The following CSMD1 variants were observed in gnomAD, a reference collection of about 807,000 sequenced individuals.
CSMD1 encodes CUB and Sushi multiple domains 1.
CSMD1 carries 213 observed loss-of-function variants against 417.5 expected under a neutral mutation model. The ratio of observed to expected loss-of-function variants is 0.51; its 90% CI spans 0.46 to 0.57. The LOEUF (loss-of-function observed/expected upper bound fraction) is 0.57. Among genes scored for constraint, CSMD1 ranks in the 20% least tolerant of loss-of-function variants. CSMD1 has a pLI of 0.00. For synonymous variants in CSMD1, 2,862 were observed against 1,736.8 expected, an observed-to-expected ratio of 1.65 and a Z score of -16.11; for missense variants, 6,923 against 4,529.7, an observed-to-expected ratio of 1.53 and a Z score of -15.17.
rs116562567 is a variant in CSMD1 at position 4,443,213 on chromosome 8, T to A, written c.303-23148A>T. ...ACTGAGTATACAAGAGGTGTTCAAT[T>A]TTTATTTGTAATTAATGTGTTTTAA... On this transcript the variant is annotated intron_variant, in intron 2 of 69. Transcript: ENST00000635120. 1.3e-3 allele frequency among the ~76,000 whole-genome samples: 191 copies of A among 152,312 alleles called. 1 individual carries two copies. The highest frequency in any genetic ancestry group is 4.2e-3 in the African/African-American group (176 of 41,578).
At chr8:4,635,117 G>A (rs1409057695) in intron 2 of CSMD1, among the ~76,000 whole-genome samples, 4 of 152,080 alleles carry the variant, frequency 2.6e-5, no homozygotes, top group Admixed American at 6.5e-5. Context: ...AAAATTGTCG[G>A]TAACTGAGTG....
intron 2 of CSMD1, among the ~76,000 whole-genome samples, chr8:4,504,635 C>A (rs1355840032): frequency 6.6e-6 from 1 of 152,086 alleles, no homozygotes; most frequent in Non-Finnish European, 1.5e-5. Flanking sequence ...CTCCCCTTGG[C>A]CCCCACCTCC....
chr8:4,434,775 T>C (rs1225930900), intron 2 of CSMD1, among the ~76,000 whole-genome samples: 1 of 152,084 alleles, frequency 6.6e-6, no homozygotes, highest in Non-Finnish European at 1.5e-5. Flanking sequence ...ACACACCCTT[T>C]CCACACTCCA....
chr8:4,445,661 C>T (rs1322878161), intron 2 of CSMD1, among the ~76,000 whole-genome samples: 1 of 152,124 alleles, frequency 6.6e-6, no homozygotes, highest in East Asian at 1.9e-4. Context: ...TTATTGAAGC[C>T]ACTAGAGAAC....
chr8:4,867,536 T>A (rs1802487604), intron 1 of CSMD1, among the ~76,000 whole-genome samples: 1 of 152,082 alleles, frequency 6.6e-6, no homozygotes, highest in South Asian at 2.1e-4. Flanking sequence ...TACCTTTGAG[T>A]AAGCAAATTG....
intron 3 of CSMD1, among the ~76,000 whole-genome samples, chr8:4,190,960 G>A (rs547959028): frequency 2.6e-5 from 4 of 151,964 alleles, no homozygotes; most frequent in Non-Finnish European, 5.9e-5. Flanking sequence ...GAGTGGGGGG[G>A]GCGGGGAAGG....
chr8:4,079,221 G>A (rs369906349), intron 3 of CSMD1, among the ~76,000 whole-genome samples: 4 of 152,026 alleles, frequency 2.6e-5, no homozygotes, highest in East Asian at 1.9e-4. Flanking sequence ...CTGTTTGGTG[G>A]GAAACAACTG....
In CSMD1 at chr8:3,740,518, G is replaced by T. The variant is rs182413808; in HGVS notation, c.931+13412C>A. Among the ~76,000 whole-genome samples, 184 of 152,322 alleles carry T rather than the reference G, an allele frequency of 1.2e-3. 1 individual carries two copies. Among genetic ancestry groups the T allele is most frequent in the African/African-American group, 4.2e-3 (173 of 41,562 alleles). On this transcript the variant is annotated intron_variant, in intron 6 of 69. Transcript: ENST00000635120. ...ATACTCAGAGGAGGGTTCACCGATG[G>T]ATGTGATATACAGACGGAAAGGAGA...
At position 2,956,614 on chromosome 8, in the gene CSMD1, C is replaced by T. The variant is rs955662092; in HGVS notation, c.9815-846G>A. 7.2e-5 allele frequency among the ~76,000 whole-genome samples: 11 copies of T among 151,912 alleles called. No individual in the cohort carries two copies. The South Asian group carries it at 1.5e-3, about 20-fold the overall frequency. ...GACTACAGGCACCCGCCACCATGCCCGGCTAATTTTTTGTAGTTTTTTTAG... is the reference window on the plus strand; with the variant it reads ...GACTACAGGCACCCGCCACCATGCCTGGCTAATTTTTTGTAGTTTTTTTAG... On this transcript the variant is annotated intron_variant, in intron 63 of 69. Transcript: ENST00000635120.
chr8:3,419,751 A>C (rs905608450), intron 12 of CSMD1, among the ~76,000 whole-genome samples: 2 of 152,252 alleles, frequency 1.3e-5, no homozygotes, highest in African/African-American at 4.8e-5. Flanking sequence ...AAAAATCTGC[A>C]TATCTAGATT....
chr8:2,992,427 G>T lies in CSMD1; in HGVS notation c.8377+5584C>A, dbSNP rs1411972066. Reference sequence around the variant, plus strand: ...TCGAGTTTTGATTTGCTTTGTTGTTGTTGCTGTTTTTTTTTTAATGAAGTC... The same window carrying T: ...TCGAGTTTTGATTTGCTTTGTTGTTTTTGCTGTTTTTTTTTTAATGAAGTC... On this transcript the variant is annotated intron_variant, in intron 54 of 69. Coordinates refer to ENST00000635120, the MANE Select transcript of CSMD1 (RefSeq NM_033225.6). Among the ~76,000 whole-genome samples the T allele has an allele frequency of 3.3e-5, 5 of 151,892 alleles. No homozygotes were observed. The East Asian group carries it at 9.7e-4, about 29-fold the overall frequency.
At chr8:3,082,070 C>T (rs538574332) in intron 49 of CSMD1, among the ~76,000 whole-genome samples, 7 of 152,296 alleles carry the variant, frequency 4.6e-5, no homozygotes, top group African/African-American at 1.2e-4. Context: ...CCTGCTTTCA[C>T]GAGAGACTGT....
At chr8:3,986,047 C>G (rs1035947814) in intron 5 of CSMD1, among the ~76,000 whole-genome samples, 2 of 152,056 alleles carry the variant, frequency 1.3e-5, no homozygotes, top group African/African-American at 4.8e-5. Flanking sequence ...CCTGTCTTTT[C>G]CTCTTCATTA....
chr8:4,590,597 A>C (rs1260720787), intron 2 of CSMD1, among the ~76,000 whole-genome samples: 2 of 152,114 alleles, frequency 1.3e-5, no homozygotes, highest in Non-Finnish European at 1.5e-5. Flanking sequence ...ATACTATTTA[A>C]AATAAAAATG....
At chr8:4,766,583 C>T (rs1401549661) in intron 1 of CSMD1, among the ~76,000 whole-genome samples, 1 of 152,194 alleles carries the variant, frequency 6.6e-6, no homozygotes, top group Non-Finnish European at 1.5e-5. Context: ...GCCCAACATG[C>T]AGCAGGGCAT....
chr8:3,280,185 G>A (rs1190259300), intron 26 of CSMD1, among the ~76,000 whole-genome samples: 1 of 150,130 alleles, frequency 6.7e-6, no homozygotes, highest in Non-Finnish European at 1.5e-5. Flanking sequence ...GGTTTGCCTC[G>A]AGAGCCACAG....
chr8:3,708,575 T>C (rs756654556), intron 6 of CSMD1, 84 bp from the exon 7 acceptor site: 3 of 1,157,218 alleles, frequency 2.6e-6, no homozygotes, highest in Non-Finnish European at 3.9e-6. Flanking sequence ...CTTCCAGTCA[T>C]AACTGCTTTC....
At chr8:3,734,672 C>G (rs1209062429) in intron 6 of CSMD1, among the ~76,000 whole-genome samples, 3 of 152,192 alleles carry the variant, frequency 2.0e-5, no homozygotes, top group Admixed American at 6.5e-5. Flanking sequence ...AACTACGCCA[C>G]TGCACTCCAG....
Position 3,550,355 on chromosome 8 carries a change from C to T in CSMD1, c.1344+24590G>A, listed in dbSNP as rs552799475. Among the ~76,000 whole-genome samples, 105 of 152,310 alleles carry T rather than the reference C, an allele frequency of 6.9e-4. 1 individual carries two copies. Among genetic ancestry groups the T allele is most frequent in the Middle Eastern group, 3.4e-3 (1 of 294 alleles). On this transcript the variant is annotated intron_variant, in intron 10 of 69. Coordinates refer to ENST00000635120, the MANE Select transcript of CSMD1 (RefSeq NM_033225.6). The stretch of plus-strand genomic sequence containing the variant: ...AGCAAACTCATTCCTACTCCAGGGC[C>T]TTGACCCCGCCTGGACCAATCTTCC...
Sources: allele counts gnomAD v4.1 joint callset (sites outside exome capture counted in the v4.1 genomes callset), GRCh38; gene constraint gnomAD v4.1.1; transcripts MANE v1.5; gene names NCBI Gene and HGNC (gene_info 2026-07-23, HGNC 2026-07-21).